BEND5: variants seen among roughly 807,000 people sequenced by gnomAD.
The protein encoded by BEND5 is BEN domain containing 5, also known as BEN domain-containing protein 5.
BEND5 carries 22 observed loss-of-function variants against 43.9 expected under a neutral mutation model. That is an observed-to-expected ratio of 0.50 (90% confidence interval 0.36 to 0.72). The LOEUF is 0.72. Ranked by LOEUF, BEND5 falls within the 30% of genes least tolerant of loss-of-function variation. BEND5 has a pLI of 0.00. For missense variants in BEND5, 428 were observed against 550.6 expected, an observed-to-expected ratio of 0.78 and a Z score of 2.23; for synonymous variants, 228 against 225.9, an observed-to-expected ratio of 1.01 and a Z score of -0.08.
chr1:48,769,179 T>C (rs1484857188), intron 1 of BEND5, among the ~76,000 whole-genome samples: 1 of 152,162 alleles, frequency 6.6e-6, no homozygotes, highest in Non-Finnish European at 1.5e-5. Context: ...AGCTGTGTAA[T>C]GTAGGGTAAC....
chr1:48,734,054 C>A (rs1648607446), intron 5 of BEND5, among the ~76,000 whole-genome samples: 1 of 152,186 alleles, frequency 6.6e-6, no homozygotes, highest in Non-Finnish European at 1.5e-5. Context: ...CCAGGCAGGG[C>A]AGGGCAGGGC....
intron 3 of BEND5, among the ~76,000 whole-genome samples, chr1:48,752,350 A>G (rs1285578367): frequency 6.6e-6 from 1 of 152,212 alleles, no homozygotes; most frequent in Non-Finnish European, 1.5e-5. Flanking sequence ...AAAAAAATCT[A>G]GGAGGTCAAA....
At chr1:48,762,296 C>T (rs533740620) in intron 1 of BEND5, among the ~76,000 whole-genome samples, 15 of 152,314 alleles carry the variant, frequency 9.8e-5, no homozygotes, top group African/African-American at 3.6e-4. Flanking sequence ...ATTCTTTAAG[C>T]TCAACCTAAG....
At chr1:48,738,849 A>C (rs565626880) in intron 4 of BEND5, among the ~76,000 whole-genome samples, 2 of 152,152 alleles carry the variant, frequency 1.3e-5, no homozygotes, top group Admixed American at 6.5e-5. Flanking sequence ...GGTATTGTAC[A>C]TTCAATTTAT....
Position 48,776,679 on chromosome 1 carries a change from G to A in BEND5, c.153C>T (p.Pro51=), listed in dbSNP as rs1448956170. 6 of 1,507,808 alleles carry A rather than the reference G, an allele frequency of 4.0e-6. No homozygotes were observed. Among genetic ancestry groups the A allele is most frequent in the Non-Finnish European group, 4.4e-6 (5 of 1,130,124 alleles). The allele number at this position is 1,507,808 out of a possible 1,614,324, so 93.4% of individuals were successfully genotyped here. A position where few individuals can be genotyped will look rare whatever the true frequency, so the allele number is the denominator to read the frequency against. ...CGCGGGGGGCGCGCGGGGGGCTCTCGGGCCCGGCGCCCAATTCCTCCGGGC... is the reference window on the plus strand; with the variant it reads ...CGCGGGGGGCGCGCGGGGGGCTCTCAGGCCCGGCGCCCAATTCCTCCGGGC... ...YRGPEELGAG[P]ESPPRAPRDW... is the part of the protein sequence containing the mutation. Residue 51 remains proline, a synonymous_variant, in exon 1 of 6, where the codon CCC becomes CCT. Coordinates refer to ENST00000371833, the MANE Select transcript of BEND5 (RefSeq NM_024603.4).
intron 3 of BEND5, among the ~76,000 whole-genome samples, chr1:48,757,466 A>ATTT (rs1205064660): frequency 4.9e-4 from 74 of 152,356 alleles, no homozygotes; most frequent in Non-Finnish European, 7.8e-4. Flanking sequence ...ACAATGGCCA[A>ATTT]GGCAATGGTA....
At chr1:48,748,529 G>C (rs1188152635) in intron 3 of BEND5, among the ~76,000 whole-genome samples, 1 of 152,170 alleles carries the variant, frequency 6.6e-6, no homozygotes, top group Non-Finnish European at 1.5e-5. Context: ...TGCCTCTGGA[G>C]GAGACTAGGA....
intron 3 of BEND5, among the ~76,000 whole-genome samples, chr1:48,755,008 A>G (rs80191844): frequency 4.6e-5 from 7 of 152,196 alleles, no homozygotes; most frequent in East Asian, 3.9e-4. Flanking sequence ...CCATGCCTCC[A>G]TGTTGGAATA....
intron 4 of BEND5, among the ~76,000 whole-genome samples, chr1:48,740,524 T>C (rs1402750103): frequency 1.3e-5 from 2 of 152,188 alleles, no homozygotes; most frequent in African/African-American, 2.4e-5. Context: ...AATCAGAAAT[T>C]TGTGTGGCAA....
At chr1:48,734,674 C>T (rs1202948292) in intron 5 of BEND5, among the ~76,000 whole-genome samples, 1 of 152,300 alleles carries the variant, frequency 6.6e-6, no homozygotes, top group East Asian at 1.9e-4. Context: ...CCCCTCAGAC[C>T]ATTATAAAGA....
Position 48,759,407 on chromosome 1 carries a change from C to G in BEND5, c.361-123G>C, listed in dbSNP as rs371832189. On this transcript the variant is annotated intron_variant, in intron 2 of 5. Coordinates refer to ENST00000371833, the MANE Select transcript of BEND5 (RefSeq NM_024603.4). ...CACAGAACATCAGTGCTTGGAGAAA[C>G]CTGTGCAAACACTTAGTCAAAGCCC... The G allele has an allele frequency of 2.8e-6, 4 of 1,409,796 alleles. No individual in the cohort carries two copies. In the East Asian group the frequency reaches 1.0e-4, roughly 36 times the overall value. The allele number at this position is 1,409,796 out of a possible 1,614,324, so 87.3% of individuals were successfully genotyped here.
At chr1:48,760,773 C>T (rs531955595) in intron 2 of BEND5, among the ~76,000 whole-genome samples, 2 of 152,092 alleles carry the variant, frequency 1.3e-5, no homozygotes, top group Non-Finnish European at 2.9e-5. Context: ...ATCTACTGCA[C>T]AGAAAAAAAC....
intron 5 of BEND5, among the ~76,000 whole-genome samples, chr1:48,730,696 T>C (rs1009891917): frequency 3.7e-4 from 57 of 152,192 alleles, no homozygotes; most frequent in African/African-American, 1.4e-3. Context: ...AAGGCTTTCG[T>C]TAGACTCTAG....
chr1:48,763,693 G>C (rs1644391639), intron 1 of BEND5, among the ~76,000 whole-genome samples: 1 of 152,216 alleles, frequency 6.6e-6, no homozygotes, highest in Admixed American at 6.5e-5. Flanking sequence ...TCAGGATCAT[G>C]TTAGTGTGGA....
At chr1:48,757,048 G>C (rs992194932) in intron 3 of BEND5, among the ~76,000 whole-genome samples, 2 of 152,082 alleles carry the variant, frequency 1.3e-5, no homozygotes, top group African/African-American at 4.8e-5. Context: ...TAAAATGCAG[G>C]GTGTCTTACC....
intron 1 of BEND5, among the ~76,000 whole-genome samples, chr1:48,772,776 C>T (rs1159976007): frequency 6.6e-6 from 1 of 152,164 alleles, no homozygotes; most frequent in East Asian, 1.9e-4. Context: ...TAGATAAGAG[C>T]TGATGCTGAC....
At chr1:48,773,027 C>T (rs568383188) in intron 1 of BEND5, among the ~76,000 whole-genome samples, 1 of 152,186 alleles carries the variant, frequency 6.6e-6, no homozygotes, top group African/African-American at 2.4e-5. Flanking sequence ...CGCCTGCCAC[C>T]CCTGGGTCGT....
intron 5 of BEND5, among the ~76,000 whole-genome samples, chr1:48,734,211 G>C (rs1368494867): frequency 6.6e-6 from 1 of 152,192 alleles, no homozygotes; most frequent in Non-Finnish European, 1.5e-5. Context: ...CCAGGCAAGG[G>C]AGGCAGCTAT....
chr1:48,764,653 C>T (rs1042879650), intron 1 of BEND5, among the ~76,000 whole-genome samples: 7 of 152,244 alleles, frequency 4.6e-5, no homozygotes, highest in East Asian at 1.9e-4. Context: ...ATAAACTAGG[C>T]GTCAGACAAC....
Sources: gnomAD v4.1 joint callset for allele counts (sites outside exome capture counted in the v4.1 genomes callset) on GRCh38, gnomAD v4.1.1 for gene constraint, MANE v1.5 for transcripts, NCBI Gene and HGNC (gene_info 2026-07-23, HGNC 2026-07-21) for gene names.